MAPK6: variants seen among roughly 807,000 people sequenced by gnomAD.
MAPK6 encodes mitogen-activated protein kinase 6, also known as ERK-3.
MAPK6 carries 19 observed loss-of-function variants against 59.3 expected under a neutral mutation model. The observed-to-expected ratio is 0.32, with a 90% CI of 0.22 to 0.47. MAPK6 has a LOEUF of 0.47. MAPK6 is among the 20% of genes least tolerant of loss of function. MAPK6 has a pLI of 1.00. For missense variants in MAPK6, 724 were observed against 847.9 expected, an observed-to-expected ratio of 0.85 and a Z score of 1.81; for synonymous variants, 316 against 290.3, an observed-to-expected ratio of 1.09 and a Z score of -0.90.
intron 3 of MAPK6, among the ~76,000 whole-genome samples, chr15:52,008,974 C>T (rs191507550): frequency 4.6e-5 from 7 of 152,228 alleles, no homozygotes; most frequent in African/African-American, 1.7e-4. Context: ...AGGTGAGAGG[C>T]AGGATTGTGG....
intron 1 of MAPK6, among the ~76,000 whole-genome samples, chr15:52,026,606 T>C (rs2030787754): frequency 6.6e-6 from 1 of 151,912 alleles, no homozygotes; most frequent in Non-Finnish European, 1.5e-5. Context: ...CCTCCCACCT[T>C]ATGCAGTGGG....
chr15:52,001,260 T>C (rs2057241100), intron 2 of MAPK6, among the ~76,000 whole-genome samples: 1 of 152,172 alleles, frequency 6.6e-6, no homozygotes, highest in Admixed American at 6.6e-5. Context: ...GAGCTTGGAC[T>C]TCTCAGCCTC....
At chr15:51,997,491 C>T (rs1293963617) in intron 2 of MAPK6, among the ~76,000 whole-genome samples, 2 of 151,804 alleles carry the variant, frequency 1.3e-5, no homozygotes, top group African/African-American at 4.8e-5. Flanking sequence ...TTCCTGACCT[C>T]AAGTGATCTA....
intron 2 of MAPK6, among the ~76,000 whole-genome samples, chr15:51,983,386 G>A (rs1037684594): frequency 6.6e-6 from 1 of 152,102 alleles, no homozygotes; most frequent in Admixed American, 6.6e-5. Context: ...GGCTGAGGCA[G>A]GAGAATCACT....
At chr15:51,992,621 AG>A (rs1305173033) in intron 2 of MAPK6, among the ~76,000 whole-genome samples, 2 of 151,984 alleles carry the variant, frequency 1.3e-5, no homozygotes, top group African/African-American at 2.4e-5. Flanking sequence ...CCCCCATTTT[AG>A]ATGCCAATCA....
At chr15:52,048,756 G>A (rs1269710863) in intron 2 of MAPK6, among the ~76,000 whole-genome samples, 1 of 151,334 alleles carries the variant, frequency 6.6e-6, no homozygotes, top group African/African-American at 2.4e-5. Flanking sequence ...GCTCCTGCCT[G>A]TAATCTCAGC....
chr15:51,975,347 C>T (rs898760154), intron 1 of MAPK6, among the ~76,000 whole-genome samples: 2 of 151,550 alleles, frequency 1.3e-5, no homozygotes, highest in Non-Finnish European at 2.9e-5. Flanking sequence ...TCAAGACCAT[C>T]CTGGCCAACA....
chr15:52,020,323 T>G (rs1273219445), intron 1 of MAPK6, among the ~76,000 whole-genome samples: 1 of 152,188 alleles, frequency 6.6e-6, no homozygotes, highest in Non-Finnish European at 1.5e-5. Flanking sequence ...TTGATTCCTT[T>G]CCTGTTTTAT....
At chr15:51,979,593 G>C (rs1479362245) in intron 1 of MAPK6, among the ~76,000 whole-genome samples, 1 of 151,676 alleles carries the variant, frequency 6.6e-6, no homozygotes, top group Non-Finnish European at 1.5e-5. Flanking sequence ...AGGAGTTTGA[G>C]ACCAACTTGG....
At chr15:52,057,072 G>T (rs2032012479) in intron 3 of MAPK6, 1 of 152,096 alleles carries the variant, frequency 6.6e-6, no homozygotes, top group Non-Finnish European at 1.5e-5. Flanking sequence ...CTTCATTTCT[G>T]TTAGCACAGA....
At position 52,029,367 on chromosome 15, in the gene MAPK6, G is replaced by A. The variant is rs182407674; in HGVS notation, c.-632+9991G>A. ...CTCCTTTACCTGCCTCTAAGTATTG[G>A]CATACCTAAGACAGGATAAAACTCC... On this transcript the variant is annotated intron_variant, in intron 1 of 5. Transcript: ENST00000261845. Among the ~76,000 whole-genome samples the A allele has an allele frequency of 4.6e-4, 70 of 151,726 alleles. No individual in the cohort carries two copies. In the East Asian group the frequency reaches 0.013, roughly 28 times the overall value.
Position 52,008,707 on chromosome 15 carries a change from G to A in MAPK6, c.-632+4305G>A, listed in dbSNP as rs375910809. 2.9e-4 allele frequency among the ~76,000 whole-genome samples: 44 copies of A among 152,280 alleles called. 5 individuals are homozygous for A. The highest frequency in any genetic ancestry group is 1.9e-3 in the South Asian group (9 of 4,832). On this transcript the variant is annotated intron_variant, in intron 3 of 7. Transcript: ENST00000691380. The stretch of plus-strand genomic sequence containing the variant: ...AAGCATGGGGTCCTTTTGCACGCAG[G>A]GCCCTGTGTAATGCCCTGGTTGTGG...
chr15:52,029,452 T>C (rs999826313), intron 1 of MAPK6, among the ~76,000 whole-genome samples: 41 of 152,334 alleles, frequency 2.7e-4, no homozygotes, highest in Non-Finnish European at 5.6e-4. Flanking sequence ...ATTCAACTCA[T>C]TGTTTTAAAT....
At chr15:52,042,965 A>G (rs964724071) in intron 1 of MAPK6, 1 of 152,118 alleles carries the variant, frequency 6.6e-6, no homozygotes, top group African/African-American at 2.4e-5. Flanking sequence ...CTCTTCAAAA[A>G]ATACAAAAAT....
In MAPK6 at chr15:52,039,849, G is replaced by A. The variant is rs143815541; in HGVS notation, c.-631-5981G>A. Among the ~76,000 whole-genome samples the A allele has an allele frequency of 2.0e-5, 3 of 152,230 alleles. No homozygotes were observed. The East Asian group carries it at 5.8e-4, about 29-fold the overall frequency. ...TCTTTAAATTGGATACTTTGTTACT[G>A]TCTTCTCTGACTTTGAAAGTTTGTC... On this transcript the variant is annotated intron_variant, in intron 1 of 5. Coordinates refer to ENST00000261845, the MANE Select transcript of MAPK6 (RefSeq NM_002748.4).
chr15:51,992,291 C>CTATCTATATA (rs201111358), intron 2 of MAPK6, among the ~76,000 whole-genome samples: 16 of 108,374 alleles, frequency 1.5e-4, no homozygotes, highest in African/African-American at 4.2e-4. Flanking sequence ...ATCTATCTAT[C>CTATCTATATA]TATATATATA....
chr15:52,002,771 A>G (rs1433626142), intron 2 of MAPK6, among the ~76,000 whole-genome samples: 1 of 152,226 alleles, frequency 6.6e-6, no homozygotes, highest in African/African-American at 2.4e-5. Flanking sequence ...ACAGTTCCGC[A>G]TGGCTGGGGA....
At position 52,004,403 on chromosome 15, in the gene MAPK6, G is replaced by A. The variant is rs1015089453; in HGVS notation, c.-632+1G>A. The stretch of plus-strand genomic sequence containing the variant: ...GGAGATTGCTATAAGCTGCTTTCAT[G>A]TAAGTAGATCCATTTATTATTATAG... On this transcript the variant is annotated splice_donor_variant, in intron 3 of 7. Transcript: ENST00000691380. LOFTEE classifies it low-confidence loss of function (5UTR_SPLICE). 3 of 152,214 alleles carry A rather than the reference G, an allele frequency of 2.0e-5. No homozygotes were observed. The East Asian group carries it at 5.8e-4, about 29-fold the overall frequency. The allele number at this position is 152,214 out of a possible 1,614,324, so 9.4% of individuals were successfully genotyped here.
At chr15:51,978,962 T>C (rs1382615245) in intron 1 of MAPK6, among the ~76,000 whole-genome samples, 2 of 150,772 alleles carry the variant, frequency 1.3e-5, no homozygotes, top group African/African-American at 4.9e-5. Flanking sequence ...CACAAAAAAA[T>C]TAGCCAGGAA....
Sources: gnomAD v4.1 joint callset for allele counts (sites outside exome capture counted in the v4.1 genomes callset) on GRCh38, gnomAD v4.1.1 for gene constraint, MANE v1.5 for transcripts, NCBI Gene and HGNC (gene_info 2026-07-23, HGNC 2026-07-21) for gene names.